Variants in SMIM13 observed in about 807,000 individuals in gnomAD.
SMIM13 encodes the protein small integral membrane protein 13, also known as UPF0766 protein C6orf228.
SMIM13 carries 3 observed loss-of-function variants against 5.9 expected under a neutral mutation model. The ratio of observed to expected loss-of-function variants is 0.51; its 90% CI spans 0.23 to 1.31. The LOEUF (loss-of-function observed/expected upper bound fraction) is 1.31, where lower values mean the gene tolerates loss of function less well. Ranked by LOEUF, SMIM13 falls within the 40% of genes most tolerant of loss-of-function variation. SMIM13 has a pLI of 0.18. For missense variants in SMIM13, 85 were observed against 109.9 expected (o/e 0.77, Z 1.01); for synonymous variants, 55 against 46.0 (o/e 1.19, Z -0.79).
chr6:11,094,706 T>A (rs539247413), intron 1 of SMIM13, among the ~76,000 whole-genome samples: 3 of 152,320 alleles, frequency 2.0e-5, no homozygotes, highest in African/African-American at 7.2e-5. Context: ...AACCTTGGCC[T>A]GCATTCGAAG....
chr6:11,128,301 T>C (rs1303489735), intron 1 of SMIM13, among the ~76,000 whole-genome samples: 2 of 152,112 alleles, frequency 1.3e-5, no homozygotes, highest in East Asian at 3.9e-4. Context: ...CCAGGGTGTA[T>C]CTGGAAATGT....
At chr6:11,122,407 T>C (rs1192343214) in intron 1 of SMIM13, among the ~76,000 whole-genome samples, 3 of 152,258 alleles carry the variant, frequency 2.0e-5, no homozygotes, top group African/African-American at 2.4e-5. Context: ...TCCTATCCTC[T>C]TGTGACCCTA....
rs1343038019 is a variant in SMIM13, at chr6:11,094,155, C to T, written c.-159C>T. The T allele has an allele frequency of 1.2e-5, 2 of 162,306 alleles. No individual in the cohort carries two copies. The highest frequency in any genetic ancestry group is 2.4e-5 in the African/African-American group (1 of 41,524). 10.1% of individuals were successfully genotyped at this position (162,306 alleles called of 1,614,324 possible). Reference sequence around the variant, plus strand: ...CACAGTGCCCGCCTTTGCGCCGCCCCACCCCCTGGGGGCGCTGCCGAGGGG... The same window carrying T: ...CACAGTGCCCGCCTTTGCGCCGCCCTACCCCCTGGGGGCGCTGCCGAGGGG... On this transcript the variant is annotated 5_prime_UTR_variant, in exon 1 of 2. Coordinates refer to ENST00000416247, the MANE Select transcript of SMIM13 (RefSeq NM_001135575.2).
intron 1 of SMIM13, among the ~76,000 whole-genome samples, chr6:11,117,896 C>G (rs193015341): frequency 6.6e-6 from 1 of 152,048 alleles, no homozygotes; most frequent in Non-Finnish European, 1.5e-5. Flanking sequence ...ATTGCATGCC[C>G]AACAAATTTT....
At chr6:11,120,966 C>T (rs958170296) in intron 1 of SMIM13, among the ~76,000 whole-genome samples, 1 of 152,134 alleles carries the variant, frequency 6.6e-6, no homozygotes, top group South Asian at 2.1e-4. Flanking sequence ...TATCACAACC[C>T]TTCTGCTGCC....
At position 11,122,718 on chromosome 6, in the gene SMIM13, G is replaced by A. The variant is rs141374287; in HGVS notation, c.77-11685G>A. Among the ~76,000 whole-genome samples the A allele has an allele frequency of 4.3e-3, 660 of 152,248 alleles. 3 individuals carry two copies. The highest frequency in any genetic ancestry group is 0.015 in the African/African-American group (627 of 41,540). On this transcript the variant is annotated intron_variant, in intron 1 of 1. Transcript: ENST00000416247. Reference sequence around the variant, plus strand: ...AGGCCTGTGTTTTAAAGGAATTGAGGCAGATTCCAAGAAGATTAAAAGTTT... The same window carrying A: ...AGGCCTGTGTTTTAAAGGAATTGAGACAGATTCCAAGAAGATTAAAAGTTT...
intron 1 of SMIM13, among the ~76,000 whole-genome samples, chr6:11,095,833 T>C (rs1561749522): frequency 6.6e-6 from 1 of 152,198 alleles, no homozygotes; most frequent in Non-Finnish European, 1.5e-5. Context: ...TTAAGGTTCT[T>C]GAAGTAAGGA....
chr6:11,096,174 A>T (rs144321363), intron 1 of SMIM13, among the ~76,000 whole-genome samples: 2,027 of 152,294 alleles, frequency 0.013, 28 homozygotes, highest in Non-Finnish European at 0.018. Flanking sequence ...TTTTGTGGAG[A>T]ACAATTTTTC....
intron 1 of SMIM13, among the ~76,000 whole-genome samples, chr6:11,097,524 C>G (rs182469832): frequency 6.6e-6 from 1 of 151,904 alleles, no homozygotes; most frequent in Non-Finnish European, 1.5e-5. Context: ...AAAAATTTGC[C>G]GGGCATGATG....
chr6:11,131,333 A>T (rs1258814024), intron 1 of SMIM13, among the ~76,000 whole-genome samples: 1 of 152,062 alleles, frequency 6.6e-6, no homozygotes, highest in African/African-American at 2.4e-5. Flanking sequence ...ATATTTTTTT[A>T]AAAAAACAAG....
At position 11,136,241 on chromosome 6, in the gene SMIM13, T is replaced by C. The variant is rs1236713055; in HGVS notation, c.*1639T>C. ...AACAGTAGTGGGTGAAAATTCCCGC[T>C]TAGCTGTAAAATGACTCTCTTGCCA... On this transcript the variant is annotated 3_prime_UTR_variant, in exon 2 of 2. Transcript: ENST00000416247. 1 of 152,196 alleles carries C rather than the reference T, an allele frequency of 6.6e-6. No homozygotes were observed. Among genetic ancestry groups the C allele is most frequent in the Non-Finnish European group, 1.5e-5 (1 of 68,020 alleles). The allele number at this position is 152,196 out of a possible 1,614,324, so 9.4% of individuals were successfully genotyped here. A position where few individuals can be genotyped will look rare whatever the true frequency, so the allele number is the denominator to read the frequency against.
chr6:11,132,269 A>G (rs530354494), intron 1 of SMIM13, among the ~76,000 whole-genome samples: 4 of 152,312 alleles, frequency 2.6e-5, no homozygotes, highest in Admixed American at 1.3e-4. Flanking sequence ...ATGGACAATA[A>G]AAAGTGTTGG....
At chr6:11,104,421 G>A (rs760124620) in intron 1 of SMIM13, 10 of 1,551,676 alleles carry the variant, frequency 6.4e-6, no homozygotes, top group South Asian at 5.9e-5. Context: ...AATATAAAAG[G>A]CTCCTTGAGT....
At chr6:11,102,264 T>C (rs1215046048) in intron 1 of SMIM13, among the ~76,000 whole-genome samples, 1 of 152,234 alleles carries the variant, frequency 6.6e-6, no homozygotes, top group African/African-American at 2.4e-5. Context: ...TATGAATTAA[T>C]TGACTTTTGA....
At chr6:11,105,149 T>A in intron 1 of SMIM13, 1 of 1,614,222 alleles carries the variant, frequency 6.2e-7, no homozygotes, top group Non-Finnish European at 8.5e-7. Context: ...AAGCTGTCCC[T>A]GGTGTTTCAG....
chr6:11,107,541 C>T (rs76910538), intron 1 of SMIM13, among the ~76,000 whole-genome samples: 23,793 of 152,182 alleles, frequency 0.16, 2,485 homozygotes, highest in South Asian at 0.33. Flanking sequence ...TGCAGGTGAG[C>T]TGTTGACTCC....
chr6:11,134,187 A>C (rs551718033), intron 1 of SMIM13, among the ~76,000 whole-genome samples: 2 of 152,200 alleles, frequency 1.3e-5, no homozygotes, highest in Non-Finnish European at 2.9e-5. Context: ...CCCGAATTCT[A>C]AATTCTATGA....
chr6:11,109,598 A>C (rs12527972), intron 1 of SMIM13, among the ~76,000 whole-genome samples: 23,950 of 152,188 alleles, frequency 0.16, 2,526 homozygotes, highest in East Asian at 0.34. Context: ...AGGCCAGCAC[A>C]TAGGGGATTT....
At chr6:11,117,256 C>T (rs1473593558) in intron 1 of SMIM13, among the ~76,000 whole-genome samples, 193 of 148,496 alleles carry the variant, frequency 1.3e-3, no homozygotes, top group African/African-American at 4.6e-3. Flanking sequence ...CTCTGCCTCC[C>T]GGGTTCACGC....
Sources: allele counts gnomAD v4.1 joint callset (sites outside exome capture counted in the v4.1 genomes callset), GRCh38; gene constraint gnomAD v4.1.1; transcripts MANE v1.5; gene names NCBI Gene and HGNC (gene_info 2026-07-23, HGNC 2026-07-21).